Variants in WDR33 observed in about 807,000 individuals in gnomAD.
WDR33 encodes WD repeat domain 33, also known as pre-mRNA 3' end processing protein WDR33.
In WDR33, 47 loss-of-function variants were observed where a neutral mutation model predicts 164.9. The observed-to-expected ratio is 0.29, with a 90% CI of 0.23 to 0.36. The LOEUF is 0.36. Ranked by LOEUF, WDR33 falls within the 10% of genes least tolerant of loss-of-function variation. The pLI is 1.00. For synonymous variants in WDR33, 505 were observed against 589.0 expected, an observed-to-expected ratio of 0.86 and a Z score of 2.06; for missense variants, 1,137 against 1,754.1, an observed-to-expected ratio of 0.65 and a Z score of 6.28.
intron 1 of WDR33, among the ~76,000 whole-genome samples, chr2:127,791,942 C>CTT (rs373606033): frequency 2.8e-5 from 4 of 144,376 alleles, no homozygotes; most frequent in Admixed American, 7.0e-5. Context: ...GTCTTAGTAT[C>CTT]TTTTTTTTTT....
At chr2:127,753,791 C>T (rs543634147) in intron 7 of WDR33, among the ~76,000 whole-genome samples, 8 of 151,410 alleles carry the variant, frequency 5.3e-5, no homozygotes, top group South Asian at 4.2e-4. Flanking sequence ...CTCAAATCAA[C>T]GAAAGGTAAT....
At chr2:127,711,136 A>G (rs1219631700) in intron 18 of WDR33, among the ~76,000 whole-genome samples, 1 of 152,116 alleles carries the variant, frequency 6.6e-6, no homozygotes, top group African/African-American at 2.4e-5. Context: ...ACAAATCAAG[A>G]CAGGATGGCC....
Position 127,706,058 on chromosome 2 carries a change from AAAAAAG to A in WDR33, c.*259_*264del. Reference sequence around the variant, plus strand: ...ATGCCCCATGTCTTGTGAGACTTAAAAAAAAGAAAAAGATCCCAGCTTTTATCTTCA... The same window carrying A: ...ATGCCCCATGTCTTGTGAGACTTAAAAAAAAGATCCCAGCTTTTATCTTCA... On this transcript the variant is annotated 3_prime_UTR_variant, in exon 22 of 22. Transcript: ENST00000322313. The surrounding 1 kb of genome is among the most constrained non-coding windows in gnomAD (Gnocchi z 5.1). 2.6e-6 allele frequency: 1 copy of A among 382,308 alleles called. No individual in the cohort carries two copies. The highest frequency in any genetic ancestry group is 4.6e-6 in the Non-Finnish European group (1 of 216,052). 23.7% of individuals were successfully genotyped at this position (382,308 alleles called of 1,614,324 possible). A position where few individuals can be genotyped will look rare whatever the true frequency, so the allele number is the denominator to read the frequency against.
chr2:127,733,294 G>T (rs1686756265), intron 7 of WDR33, among the ~76,000 whole-genome samples: 3 of 152,214 alleles, frequency 2.0e-5, no homozygotes, highest in South Asian at 4.1e-4. Context: ...CCCTGCAGGG[G>T]ACTGACAGGA....
rs558031375 is a variant in WDR33, at chr2:127,796,976, G to C, written c.-24+14036C>G. On this transcript the variant is annotated intron_variant, in intron 1 of 21. Coordinates refer to ENST00000322313, the MANE Select transcript of WDR33 (RefSeq NM_018383.5). ...TCTGCAATTGCGAATTTACCTACTT[G>C]CTAAAATTGACCTGTAGCCCCAAAA... Among the ~76,000 whole-genome samples, 7 of 152,038 alleles carry C rather than the reference G, an allele frequency of 4.6e-5. No individual in the cohort carries two copies. The East Asian group carries it at 1.2e-3, about 25-fold the overall frequency.
At chr2:127,795,459 C>G (rs1689006763) in intron 1 of WDR33, among the ~76,000 whole-genome samples, 1 of 151,854 alleles carries the variant, frequency 6.6e-6, no homozygotes, top group African/African-American at 2.4e-5. Context: ...ATCTCTAGAA[C>G]ACAGCTACAC....
At chr2:127,798,873 A>C (rs1300736154) in intron 1 of WDR33, 1 of 152,146 alleles carries the variant, frequency 6.6e-6, no homozygotes, top group Non-Finnish European at 1.5e-5. Flanking sequence ...ATTAGACCAA[A>C]ACTAAAGCTT....
intron 1 of WDR33, among the ~76,000 whole-genome samples, chr2:127,792,705 A>T (rs1202344595): frequency 1.3e-5 from 2 of 151,836 alleles, no homozygotes; most frequent in Non-Finnish European, 2.9e-5. Flanking sequence ...ATTATTACAA[A>T]TAAATCATGA....
rs1686581359 is a variant in WDR33, at chr2:127,726,768, G to C, written c.734C>G (p.Ala245Gly). 1.2e-6 allele frequency: 2 copies of C among 1,613,972 alleles called. No individual in the cohort carries two copies. Among genetic ancestry groups the C allele is most frequent in the Admixed American group, 1.7e-5 (1 of 59,994 alleles). ...ATGCCAGTCTACACATTTCACATCA[G>C]CACCATGCCCTGTCGGAAACAAGTT... ...HEERILRGHG[A>G]DVKCVDWHPT... Residue 245 changes from alanine to glycine, a missense_variant, in exon 8 of 22, where the codon GCT becomes GGT. Physicochemically the swap from Ala to Gly is moderately conservative, Grantham distance 60. Around this residue, in one of 9 missense-constraint regions of WDR33, gnomAD observed 83 missense variants for 189.2 expected, o/e 0.44. Transcript: ENST00000322313. The surrounding 1 kb of genome is among the most constrained non-coding windows in gnomAD (Gnocchi z 4.8).
At chr2:127,765,805 A>G (rs1201005710) in intron 4 of WDR33, among the ~76,000 whole-genome samples, 1 of 151,998 alleles carries the variant, frequency 6.6e-6, no homozygotes, top group Non-Finnish European at 1.5e-5. Context: ...AAAAAAAAAA[A>G]AAAAAGTAAG....
intron 7 of WDR33, among the ~76,000 whole-genome samples, chr2:127,751,048 A>C (rs1687343733): frequency 6.6e-6 from 1 of 151,810 alleles, no homozygotes; most frequent in South Asian, 2.1e-4. Flanking sequence ...AAAACTGTAA[A>C]ACTAAAAATG....
intron 7 of WDR33, among the ~76,000 whole-genome samples, chr2:127,739,435 A>C (rs916691004): frequency 6.6e-6 from 1 of 152,224 alleles, no homozygotes; most frequent in African/African-American, 2.4e-5. Flanking sequence ...GAATCAAGAA[A>C]AGGGTATGTT....
At chr2:127,783,639 C>G (rs551706798) in intron 1 of WDR33, among the ~76,000 whole-genome samples, 3 of 125,158 alleles carry the variant, frequency 2.4e-5, no homozygotes, top group Non-Finnish European at 3.2e-5. Context: ...CAGTCTCGCT[C>G]TGGTGCCCAG....
At position 127,726,897 on chromosome 2, in the gene WDR33, T is replaced by C. The variant is rs924254309; in HGVS notation, c.725-120A>G. The C allele has an allele frequency of 7.5e-7, 1 of 1,332,792 alleles. No homozygotes were observed. Among genetic ancestry groups the C allele is most frequent in the African/African-American group, 1.5e-5 (1 of 67,900 alleles). 82.6% of individuals were successfully genotyped at this position (1,332,792 alleles called of 1,614,324 possible). On this transcript the variant is annotated intron_variant, in intron 7 of 21. Transcript: ENST00000322313. The surrounding 1 kb of genome is among the most constrained non-coding windows in gnomAD (Gnocchi z 4.8). ...CAGTGCTCAGTCAACTTAAAACTTG[T>C]TTTGTGAAGACTCTTTGGCCTCTGT...
intron 7 of WDR33, chr2:127,736,920 A>G: frequency 1.0e-6 from 1 of 985,380 alleles, no homozygotes. Context: ...TATTTAGAAA[A>G]ATCTTGAGAA....
At chr2:127,737,967 TA>T (rs745667965) in intron 7 of WDR33, 19 of 1,605,366 alleles carry the variant, frequency 1.2e-5, no homozygotes, top group Non-Finnish European at 1.6e-5. Flanking sequence ...CAGAAGTTGG[TA>T]AATGTGGCTC....
chr2:127,752,093 T>C (rs1381448097), intron 7 of WDR33, among the ~76,000 whole-genome samples: 1 of 152,198 alleles, frequency 6.6e-6, no homozygotes, highest in Non-Finnish European at 1.5e-5. Flanking sequence ...TATAGTACAT[T>C]TGCCCCAAGA....
At chr2:127,762,933 G>T in intron 7 of WDR33, 129 bp downstream of exon 7, 1 of 1,482,468 alleles carries the variant, frequency 6.7e-7, no homozygotes, top group Admixed American at 2.3e-5. Flanking sequence ...TTTTTGAAGA[G>T]CCTGAGACGG....
At chr2:127,760,297 T>C (rs1187908599) in intron 7 of WDR33, among the ~76,000 whole-genome samples, 1 of 152,202 alleles carries the variant, frequency 6.6e-6, no homozygotes, top group Non-Finnish European at 1.5e-5. Context: ...AAGTAATGAC[T>C]TGATACACAA....
Sources: allele counts gnomAD v4.1 joint callset (sites outside exome capture counted in the v4.1 genomes callset), GRCh38; gene constraint gnomAD v4.1.1; regional missense constraint gnomAD v4.1.1; non-coding constraint Gnocchi (gnomAD v3.1); transcripts MANE v1.5; gene names NCBI Gene and HGNC (gene_info 2026-07-23, HGNC 2026-07-21).